DOCK3: variants seen among roughly 807,000 people sequenced by gnomAD.
DOCK3 encodes the protein dedicator of cytokinesis protein 3.
A neutral mutation model predicts 265.6 loss-of-function variants in DOCK3; 60 were observed. The ratio of observed to expected loss-of-function variants is 0.23; its 90% confidence interval spans 0.18 to 0.28. The LOEUF is 0.28. Ranked by LOEUF, DOCK3 falls within the 10% of genes least tolerant of loss-of-function variation. DOCK3 has a pLI of 1.00. For synonymous variants in DOCK3, 881 were observed against 938.0 expected, an observed-to-expected ratio of 0.94 and a Z score of 1.11; for missense variants, 1,981 against 2,594.3, an observed-to-expected ratio of 0.76 and a Z score of 5.14.
At chr3:51,373,964 C>T (rs764868462) in intron 49 of DOCK3, among the ~76,000 whole-genome samples, 3 of 152,108 alleles carry the variant, frequency 2.0e-5, no homozygotes, top group Non-Finnish European at 4.4e-5. Context: ...CAGGTGAGAA[C>T]AGGGCCAGTG....
chr3:50,869,666 G>A (rs1182546802), intron 3 of DOCK3, among the ~76,000 whole-genome samples: 1 of 150,492 alleles, frequency 6.6e-6, no homozygotes. Flanking sequence ...GCCACCATGT[G>A]CGACCTGATC....
At chr3:50,790,641 G>T (rs2042422211) in intron 2 of DOCK3, among the ~76,000 whole-genome samples, 1 of 152,012 alleles carries the variant, frequency 6.6e-6, no homozygotes, top group Non-Finnish European at 1.5e-5. Context: ...CTAAAGATAG[G>T]ACCTCAATCC....
chr3:50,809,706 T>C (rs2043629262), intron 2 of DOCK3, among the ~76,000 whole-genome samples: 2 of 152,130 alleles, frequency 1.3e-5, no homozygotes, highest in African/African-American at 4.8e-5. Flanking sequence ...GAATGTGATA[T>C]AGAAAGGAAA....
At chr3:50,841,023 C>T (rs976404614) in intron 2 of DOCK3, among the ~76,000 whole-genome samples, 1 of 152,128 alleles carries the variant, frequency 6.6e-6, no homozygotes, top group South Asian at 2.1e-4. Context: ...CCTCTCCTAC[C>T]CATTGGAGCT....
intron 27 of DOCK3, among the ~76,000 whole-genome samples, chr3:51,290,715 C>A (rs1174626513): frequency 6.6e-6 from 1 of 151,974 alleles, no homozygotes; most frequent in Non-Finnish European, 1.5e-5. Context: ...ACATTTCATG[C>A]AAATGGAAAC....
At position 51,381,702 on chromosome 3, in the gene DOCK3, A is replaced by G. The variant is rs2088663055; in HGVS notation, c.*143A>G. The G allele has an allele frequency of 1.8e-6, 2 of 1,135,978 alleles. No individual in the cohort carries two copies. Among genetic ancestry groups the G allele is most frequent in the Non-Finnish European group, 1.2e-6 (1 of 833,696 alleles). 70.4% of individuals were successfully genotyped at this position (1,135,978 alleles called of 1,614,324 possible). A position where few individuals can be genotyped will look rare whatever the true frequency, so the allele number is the denominator to read the frequency against. On this transcript the variant is annotated 3_prime_UTR_variant, in exon 53 of 53. Transcript: ENST00000266037. This position sits in a 1 kb window ranked among gnomAD's most constrained non-coding sequence, Gnocchi z 5.6. Reference sequence around the variant, plus strand: ...AGAACCACCCCCAAGTCTCCGTTCTACTGCCGTGAACTCATGTGTTGCCAT... The same window carrying G: ...AGAACCACCCCCAAGTCTCCGTTCTGCTGCCGTGAACTCATGTGTTGCCAT...
At chr3:50,732,906 G>C (rs189450467) in intron 1 of DOCK3, among the ~76,000 whole-genome samples, 1 of 152,102 alleles carries the variant, frequency 6.6e-6, no homozygotes, top group Admixed American at 6.6e-5. Context: ...TAAAGATAAT[G>C]TGTTCATGGG....
At chr3:51,075,496 G>T (rs1258854726) in intron 7 of DOCK3, 56 bp downstream of exon 7, 4 of 1,401,724 alleles carry the variant, frequency 2.9e-6, no homozygotes, top group Non-Finnish European at 3.9e-6. Flanking sequence ...TTTCTCTTTT[G>T]TTTATTTTCT....
chr3:51,158,597 G>A (rs1402078567), intron 10 of DOCK3, among the ~76,000 whole-genome samples: 1 of 152,006 alleles, frequency 6.6e-6, no homozygotes, highest in Non-Finnish European at 1.5e-5. Flanking sequence ...ATAACTCTTT[G>A]GTTTGGAAAT....
chr3:50,750,468 T>A lies in DOCK3; in HGVS notation c.38-28207T>A, dbSNP rs192280910. 2.6e-5 allele frequency among the ~76,000 whole-genome samples: 4 copies of A among 152,076 alleles called. No homozygotes were observed. The East Asian group carries it at 7.7e-4, about 29-fold the overall frequency. On this transcript the variant is annotated intron_variant, in intron 1 of 52. Coordinates refer to ENST00000266037, the MANE Select transcript of DOCK3 (RefSeq NM_004947.5). ...CCTCAGCCTCCCGAGTAGCTGGGAT[T>A]ACAGGCGCCTGCCACCACGCCCAGC...
At chr3:50,970,939 ATATATATAATG>A (rs1559878745) in intron 5 of DOCK3, among the ~76,000 whole-genome samples, 9 of 72,256 alleles carry the variant, frequency 1.2e-4, no homozygotes, top group African/African-American at 4.3e-4. Context: ...ATATATATAT[ATATATATAATG>A]TGTGTGTGTG....
intron 1 of DOCK3, among the ~76,000 whole-genome samples, chr3:50,742,083 G>C (rs1332649599): frequency 6.6e-6 from 1 of 152,160 alleles, no homozygotes; most frequent in African/African-American, 2.4e-5. Flanking sequence ...CTCTTGAGAA[G>C]TGTCTGTTCA....
intron 12 of DOCK3, among the ~76,000 whole-genome samples, chr3:51,163,174 G>C (rs1338255400): frequency 6.6e-6 from 1 of 152,174 alleles, no homozygotes; most frequent in Non-Finnish European, 1.5e-5. Context: ...TTTAGCCTTT[G>C]CTAGGATGGG....
intron 1 of DOCK3, among the ~76,000 whole-genome samples, chr3:50,739,512 T>C (rs1318315459): frequency 6.6e-6 from 1 of 152,170 alleles, no homozygotes; most frequent in Non-Finnish European, 1.5e-5. Flanking sequence ...TTATTTGCCT[T>C]TGTTTATGAC....
At chr3:50,999,359 T>G (rs879508120) in intron 5 of DOCK3, among the ~76,000 whole-genome samples, 5 of 152,094 alleles carry the variant, frequency 3.3e-5, no homozygotes, top group African/African-American at 7.2e-5. Context: ...AGTTAGACAC[T>G]GTGATAGCAG....
At chr3:50,848,362 T>C (rs1198369838) in intron 3 of DOCK3, among the ~76,000 whole-genome samples, 1 of 152,214 alleles carries the variant, frequency 6.6e-6, no homozygotes, top group Non-Finnish European at 1.5e-5. Flanking sequence ...TGGCTGCTTT[T>C]TAGTTTCTAA....
At chr3:51,241,908 T>C (rs1411565655) in intron 21 of DOCK3, among the ~76,000 whole-genome samples, 2 of 152,226 alleles carry the variant, frequency 1.3e-5, no homozygotes, top group African/African-American at 4.8e-5. Flanking sequence ...ATCCATATTC[T>C]GAATTCTATT....
In DOCK3 at chr3:51,294,677, C is replaced by CA. The variant is rs59339067; in HGVS notation, c.2922+14502dup. 1.9e-3 allele frequency among the ~76,000 whole-genome samples: 223 copies of CA among 119,808 alleles called. 1 individual carries two copies. Among genetic ancestry groups the CA allele is most frequent in the East Asian group, 7.1e-3 (28 of 3,968 alleles). The allele number at this position is 119,808 out of a possible 152,430, so 78.6% of individuals were successfully genotyped here. A position where few individuals can be genotyped will look rare whatever the true frequency, so the allele number is the denominator to read the frequency against. The stretch of plus-strand genomic sequence containing the variant: ...TGGGCGACAGAGAGAGACTCTATCT[C>CA]AAAAAAAAAAAAAAAAAAAAAAAAA... On this transcript the variant is annotated intron_variant, in intron 27 of 52. Coordinates refer to ENST00000266037, the MANE Select transcript of DOCK3 (RefSeq NM_004947.5).
intron 1 of DOCK3, among the ~76,000 whole-genome samples, chr3:50,693,530 CTTTTTTTT>C (rs35261130): frequency 7.8e-5 from 5 of 64,262 alleles, no homozygotes; most frequent in African/African-American, 3.1e-4. Context: ...ATTTCCTTTC[CTTTTTTTT>C]TTTTTTTTTT....
Sources: allele counts gnomAD v4.1 joint callset (sites outside exome capture counted in the v4.1 genomes callset), GRCh38; gene constraint gnomAD v4.1.1; non-coding constraint Gnocchi (gnomAD v3.1); transcripts MANE v1.5; gene names NCBI Gene and HGNC (gene_info 2026-07-23, HGNC 2026-07-21).